BNC1: variants seen among roughly 807,000 people sequenced by gnomAD.
BNC1 encodes the protein basonuclin zinc finger protein 1.
Under a neutral mutation model 66.5 loss-of-function variants are expected in BNC1, and 8 were observed. The observed-to-expected ratio is 0.12, with a 90% confidence interval of 0.07 to 0.22. The LOEUF (loss-of-function observed/expected upper bound fraction) is 0.22. Among genes scored for constraint, BNC1 ranks in the 10% least tolerant of loss-of-function variants. The pLI is 1.00. For missense variants in BNC1, 1,069 were observed against 1,241.3 expected (o/e 0.86, Z 2.09); for synonymous variants, 454 against 452.6 (o/e 1.00, Z -0.04).
Position 83,264,458 on chromosome 15 carries a change from T to G in BNC1, c.793A>C (p.Met265Leu), listed in dbSNP as rs567525925. The change falls in exon 4 of 5, where the codon ATG becomes CTG. Residue 265 changes from methionine (M) to leucine (L), a missense_variant. Coordinates refer to ENST00000345382, the MANE Select transcript of BNC1 (RefSeq NM_001717.4). ...CTTTGGTCATGACCCTGCTCCAACATATATTGTTCGGGCAATGACCCTATC... is the reference window on the plus strand; with the variant it reads ...CTTTGGTCATGACCCTGCTCCAACAGATATTGTTCGGGCAATGACCCTATC... ...ALIGSLPEQY[M>L]LEQGHDQSQD... 4.4e-5 allele frequency: 71 copies of G among 1,614,080 alleles called. No individual in the cohort carries two copies. The South Asian group carries it at 7.1e-4, about 16-fold the overall frequency.
At chr15:83,270,728 T>C (rs778332937) in intron 1 of BNC1, among the ~76,000 whole-genome samples, 2 of 152,234 alleles carry the variant, frequency 1.3e-5, no homozygotes, top group Non-Finnish European at 2.9e-5. Flanking sequence ...ATATTTTAGA[T>C]ATACGTGCAT....
chr15:83,278,320 G>A (rs759831703), intron 1 of BNC1, among the ~76,000 whole-genome samples: 7 of 152,186 alleles, frequency 4.6e-5, no homozygotes, highest in Non-Finnish European at 8.8e-5. Context: ...GGAGCTTCAT[G>A]GAGATACAAA....
intron 1 of BNC1, among the ~76,000 whole-genome samples, chr15:83,281,044 C>T (rs1567196793): frequency 6.6e-6 from 1 of 151,832 alleles, no homozygotes. Flanking sequence ...GTCTGTTTGC[C>T]GATAACTAAC....
rs1280933189 is a variant in BNC1, at chr15:83,263,876, A to G, written c.1375T>C (p.Ser459Pro). ...GGTTGGCCTTTGGAATCCTCTCCTG[A>G]ACCAGGGTAGCTGGGAGGAGGCCTA... The part of the protein sequence containing the change: ...DCRPPPSYPG[S>P]GEDSKGQPAF... Residue 459 changes from serine (S) to proline (P), a missense_variant, in exon 4 of 5, where the codon TCA (serine) becomes CCA (proline). This residue lies in a region of BNC1 where 657 missense variants were observed against 715.8 expected (regional missense o/e 0.92). Transcript: ENST00000345382. 6 of 1,614,066 alleles carry G rather than the reference A, an allele frequency of 3.7e-6. No individual in the cohort carries two copies. The highest frequency in any genetic ancestry group is 4.2e-6 in the Non-Finnish European group (5 of 1,180,044).
chr15:83,276,488 C>A (rs1343003360), intron 1 of BNC1, among the ~76,000 whole-genome samples: 1 of 152,132 alleles, frequency 6.6e-6, no homozygotes, highest in Non-Finnish European at 1.5e-5. Context: ...TAATCTTTTT[C>A]CCCCAGTTAT....
At chr15:83,277,538 T>A (rs4441234) in intron 1 of BNC1, among the ~76,000 whole-genome samples, 11,202 of 152,270 alleles carry the variant, frequency 0.074, 548 homozygotes, top group Middle Eastern at 0.17. Context: ...CTCTATCTCC[T>A]GACCTCATGA....
intron 1 of BNC1, among the ~76,000 whole-genome samples, chr15:83,277,004 A>T (rs1007120732): frequency 6.6e-6 from 1 of 152,174 alleles, no homozygotes; most frequent in Non-Finnish European, 1.5e-5. Context: ...TAACTCTTCA[A>T]CTTTAAATTT....
At position 83,257,579 on chromosome 15, in the gene BNC1, C is replaced by G. The variant is rs770033514; in HGVS notation, c.2848G>C (p.Val950Leu). The G allele has an allele frequency of 6.2e-7, 1 of 1,614,028 alleles. No homozygotes were observed. The highest frequency in any genetic ancestry group is 1.1e-5 in the South Asian group (1 of 91,072). Residue 950 changes from valine (V) to leucine (L), a missense_variant, in exon 5 of 5, where the codon GTG becomes CTG. Val to Leu is a conservative substitution (Grantham distance 32). Transcript: ENST00000345382. ...CATTTGTGGAGCTGCCGGAGGTGCA[C>G]AGTTTTGTAGTGGGCCCTAAAGGTC... ...KGTFRAHYKTVHLRQLHKCKV... is the reference protein window; with the variant it reads ...KGTFRAHYKTLHLRQLHKCKV...
intron 1 of BNC1, among the ~76,000 whole-genome samples, chr15:83,269,088 G>A (rs946060768): frequency 3.9e-5 from 6 of 152,170 alleles, no homozygotes; most frequent in African/African-American, 1.4e-4. Flanking sequence ...GCCGGGCATG[G>A]TGGCACATGC....
At position 83,263,349 on chromosome 15, in the gene BNC1, C is replaced by G; in HGVS notation, c.1902G>C (p.Arg634Ser). 1.2e-6 allele frequency: 2 copies of G among 1,614,208 alleles called. No individual in the cohort carries two copies. Among genetic ancestry groups the G allele is most frequent in the Non-Finnish European group, 1.7e-6 (2 of 1,180,032 alleles). The change falls in exon 4 of 5, where the codon AGG (arginine) becomes AGC (serine). Residue 634 changes from arginine (R) to serine (S), a missense_variant. Arg to Ser is a moderately radical substitution (Grantham distance 110). Coordinates refer to ENST00000345382, the MANE Select transcript of BNC1 (RefSeq NM_001717.4). Reference sequence around the variant, plus strand: ...TCAATGCTGGTGTCTGCTCAGTCTCCCTCTCTGAATTGTGTGTGGCCTGCT... The same window carrying G: ...TCAATGCTGGTGTCTGCTCAGTCTCGCTCTCTGAATTGTGTGTGGCCTGCT... ...TPEQATHNSERETEQTPALIM... is the reference protein window; with the variant it reads ...TPEQATHNSESETEQTPALIM...
intron 4 of BNC1, among the ~76,000 whole-genome samples, chr15:83,262,017 C>T (rs2038147574): frequency 6.6e-6 from 1 of 150,770 alleles, no homozygotes; most frequent in Non-Finnish European, 1.5e-5. Flanking sequence ...ACGCTTTACT[C>T]AACCTGCTAA....
intron 3 of BNC1, 53 bp downstream of exon 3, chr15:83,266,783 G>A (rs1189069269): frequency 6.6e-7 from 1 of 1,522,352 alleles, no homozygotes; most frequent in African/African-American, 1.4e-5. Flanking sequence ...TCAGTTATAT[G>A]GGCACAAATT....
intron 1 of BNC1, among the ~76,000 whole-genome samples, chr15:83,274,175 G>A (rs1423719879): frequency 6.6e-6 from 1 of 152,124 alleles, no homozygotes; most frequent in East Asian, 1.9e-4. Flanking sequence ...ACGAAGTCAG[G>A]AGATTGAGAC....
chr15:83,283,337 G>GCGA, intron 1 of BNC1: 3 of 1,467,156 alleles, frequency 2.0e-6, no homozygotes, highest in South Asian at 2.7e-5. Flanking sequence ...GGCGGCGGCG[G>GCGA]GGCTCCGGGT....
rs1018300663 is a variant in BNC1 at position 83,266,955 on chromosome 15, C to T, written c.316G>A (p.Val106Ile). The part of the protein sequence containing the change: ...LMLYGTQAIP[V>I]RLKILLDRLF... ...CGGTCCAGTAGGATTTTTAGGCGAA[C>T]GGGGATGGCCTGGGTCCCATAGAGC... Residue 106 changes from valine to isoleucine, a missense_variant, in exon 3 of 5, where the codon GTT (valine) becomes ATT (isoleucine). By Grantham distance (29) the Val-to-Ile change is conservative. This residue lies in a region of BNC1 where 39 missense variants were observed against 89.5 expected (regional missense o/e 0.44). Coordinates refer to ENST00000345382, the MANE Select transcript of BNC1 (RefSeq NM_001717.4). 13 of 1,613,998 alleles carry T rather than the reference C, an allele frequency of 8.1e-6. No individual in the cohort carries two copies. Among genetic ancestry groups the T allele is most frequent in the African/African-American group, 6.7e-5 (5 of 74,912 alleles).
intron 1 of BNC1, among the ~76,000 whole-genome samples, chr15:83,282,580 CA>C (rs2151441146): frequency 6.6e-6 from 1 of 152,158 alleles, no homozygotes; most frequent in South Asian, 2.1e-4. Context: ...GGGAAGGGAT[CA>C]ATGAAAAGAG....
chr15:83,257,743 T>C lies in BNC1; in HGVS notation c.2684A>G (p.Glu895Gly). 6.2e-7 allele frequency: 1 copy of C among 1,614,130 alleles called. No homozygotes were observed. Among genetic ancestry groups the C allele is most frequent in the Non-Finnish European group, 8.5e-7 (1 of 1,180,014 alleles). Residue 895 changes from glutamate (E) to glycine (G), a missense_variant, in exon 5 of 5, where the codon GAA becomes GGA. Physicochemically the swap from Glu to Gly is moderately conservative, Grantham distance 98. Transcript: ENST00000345382. ...VLMEDSDGNC[E>G]GSSLVPGEDE... ...TTCCCCAGGGACAAGGCTCGACCCT[T>C]CACAGTTCCCATCACTGTCCTCCAT...
Position 83,284,517 on chromosome 15 carries a change from G to C in BNC1, c.99+13C>G. ...CAGAGAATCCCCGCGCCCGCGGAGG[G>C]CGCCGCGCTTACCTCGGCCATCCTG... On this transcript the variant is annotated intron_variant, in intron 1 of 4. Transcript: ENST00000345382. 8.3e-7 allele frequency: 1 copy of C among 1,198,866 alleles called. No individual in the cohort carries two copies. Among genetic ancestry groups the C allele is most frequent in the South Asian group, 1.9e-5 (1 of 52,340 alleles). 74.3% of individuals were successfully genotyped at this position (1,198,866 alleles called of 1,614,324 possible). A position where few individuals can be genotyped will look rare whatever the true frequency, so the allele number is the denominator to read the frequency against.
rs1430246430 is a variant in BNC1 at position 83,264,563 on chromosome 15, T to C, written c.688A>G (p.Ile230Val). 1.9e-6 allele frequency: 3 copies of C among 1,614,108 alleles called. No homozygotes were observed. The highest frequency in any genetic ancestry group is 2.2e-5 in the East Asian group (1 of 44,876). The change falls in exon 4 of 5, where the codon ATA (isoleucine) becomes GTA (valine). Residue 230 changes from isoleucine to valine, a missense_variant. By Grantham distance (29) the Ile-to-Val change is conservative. Coordinates refer to ENST00000345382, the MANE Select transcript of BNC1 (RefSeq NM_001717.4). The stretch of plus-strand genomic sequence containing the variant: ...CTTATGAGGTTCTCAAAGGGGTGTA[T>C]ACTGCTGGGGTTTCCTTTGTCCACA... ...TPVDKGNPSS[I>V]HPFENLISNM...
Sources: allele counts gnomAD v4.1 joint callset (sites outside exome capture counted in the v4.1 genomes callset), GRCh38; gene constraint gnomAD v4.1.1; regional missense constraint gnomAD v4.1.1; transcripts MANE v1.5; gene names NCBI Gene and HGNC (gene_info 2026-07-23, HGNC 2026-07-21).